Variants in OR2L13 observed in about 807,000 individuals in gnomAD.
OR2L13 encodes olfactory receptor 2L13.
Under a neutral mutation model 15.3 loss-of-function variants are expected in OR2L13, and 14 were observed. The ratio of observed to expected loss-of-function variants is 0.91; its 90% confidence interval spans 0.60 to 1.43. The LOEUF (loss-of-function observed/expected upper bound fraction) is 1.43, where lower values mean the gene tolerates loss of function less well. OR2L13 is among the 40% of genes most tolerant of loss of function. The pLI, the probability that OR2L13 is intolerant of heterozygous loss-of-function variation, is 0.00. For synonymous variants in OR2L13, 152 were observed against 142.9 expected, an observed-to-expected ratio of 1.06 and a Z score of -0.45; for missense variants, 367 against 387.9, an observed-to-expected ratio of 0.95 and a Z score of 0.45.
At chr1:248,051,628 T>G in the OR2L13 span, among the ~76,000 whole-genome samples, 1 of 152,078 alleles carries the variant, frequency 6.6e-6, no homozygotes, top group African/African-American at 2.4e-5. Flanking sequence ...GCTACCTATT[T>G]GTGCTATGTT....
the OR2L13 span, chr1:247,975,260 TC>T: frequency 2.3e-6 from 1 of 436,588 alleles, no homozygotes; most frequent in Non-Finnish European, 4.6e-6. Flanking sequence ...GGCTGTGATG[TC>T]CCAGCCATGG....
At chr1:248,086,232 G>T in the OR2L13 span, among the ~76,000 whole-genome samples, 12,333 of 152,044 alleles carry the variant, frequency 0.081, 636 homozygotes, top group African/African-American at 0.14. Flanking sequence ...TTGACATGAT[G>T]GTGAAAGTCT....
chr1:248,056,527 C>T, the OR2L13 span, among the ~76,000 whole-genome samples: 5 of 152,112 alleles, frequency 3.3e-5, no homozygotes, highest in African/African-American at 1.2e-4. Flanking sequence ...GATTTCTCTG[C>T]ATCCCGGAGA....
chr1:247,949,426 A>G, the OR2L13 span: 2 of 1,612,802 alleles, frequency 1.2e-6, no homozygotes, highest in Admixed American at 3.3e-5. Context: ...GCCTGCATGG[A>G]CACCTGGGTC....
the OR2L13 span, chr1:248,038,994 C>T: frequency 6.2e-7 from 1 of 1,614,086 alleles, no homozygotes; most frequent in Non-Finnish European, 8.5e-7. Context: ...CTGTAGCACC[C>T]ACCTCACTGT....
chr1:248,049,067 G>T, the OR2L13 span, among the ~76,000 whole-genome samples: 1 of 152,164 alleles, frequency 6.6e-6, no homozygotes, highest in South Asian at 2.1e-4. Context: ...AAAATATAGG[G>T]AGTAAAATCT....
the OR2L13 span, chr1:248,062,211 G>C: frequency 6.6e-6 from 1 of 152,176 alleles, no homozygotes; most frequent in Non-Finnish European, 1.5e-5. Flanking sequence ...GTTCTTTATA[G>C]GGGAATGAAT....
the OR2L13 span, chr1:248,038,885 T>G: frequency 1.2e-6 from 2 of 1,614,198 alleles, no homozygotes; most frequent in Non-Finnish European, 1.7e-6. Flanking sequence ...CCATCTTTCT[T>G]GTGCTTCCTT....
upstream of OR2L13, among the ~76,000 whole-genome samples, chr1:248,093,062 A>G (rs915514949): frequency 3.3e-5 from 5 of 152,186 alleles, no homozygotes; most frequent in Admixed American, 6.5e-5. Flanking sequence ...TGTCACAGGA[A>G]ACAAGGCTGA....
chr1:248,048,007 C>T, the OR2L13 span, among the ~76,000 whole-genome samples: 5 of 152,250 alleles, frequency 3.3e-5, no homozygotes, highest in East Asian at 1.9e-4. Context: ...AGGTAGAATT[C>T]GATTTATTTT....
At chr1:247,988,226 A>T in the OR2L13 span, among the ~76,000 whole-genome samples, 24 of 151,516 alleles carry the variant, frequency 1.6e-4, no homozygotes, top group East Asian at 1.4e-3. Context: ...TGTTATATTA[A>T]TTTTCTAATA....
the OR2L13 span, chr1:247,990,505 T>C: frequency 6.7e-5 from 105 of 1,574,420 alleles, no homozygotes; most frequent in African/African-American, 1.3e-3. Flanking sequence ...GTTCCTAAGA[T>C]GGTTTATGAT....
chr1:247,966,353 A>G, the OR2L13 span: 1 of 1,592,610 alleles, frequency 6.3e-7, no homozygotes, highest in Admixed American at 1.8e-5. Context: ...AGCATTAACA[A>G]CATAAAAAGC....
chr1:247,981,965 G>A, the OR2L13 span, among the ~76,000 whole-genome samples: 8 of 151,816 alleles, frequency 5.3e-5, no homozygotes, highest in African/African-American at 1.5e-4. Context: ...GCAGGCTCCC[G>A]CCACCACGCC....
chr1:248,071,611 T>C, the OR2L13 span, among the ~76,000 whole-genome samples: 1 of 152,064 alleles, frequency 6.6e-6, no homozygotes, highest in Admixed American at 6.5e-5. Context: ...AACATAGTGT[T>C]GGAAGTTCTG....
the OR2L13 span, among the ~76,000 whole-genome samples, chr1:248,082,976 C>T: frequency 1.3e-5 from 2 of 152,028 alleles, no homozygotes; most frequent in African/African-American, 4.8e-5. Context: ...TACAGTGAGA[C>T]TCTGGGAAAA....
At chr1:248,042,148 A>C in the OR2L13 span, 6 of 152,260 alleles carry the variant, frequency 3.9e-5, no homozygotes, top group South Asian at 1.2e-3. Flanking sequence ...AATGTGGCAC[A>C]TATACACCAT....
chr1:247,970,151 A>T, the OR2L13 span, among the ~76,000 whole-genome samples: 6 of 152,130 alleles, frequency 3.9e-5, no homozygotes, highest in Non-Finnish European at 8.8e-5. Flanking sequence ...ATTTCCTCAA[A>T]ATTAATAGCA....
the OR2L13 span, among the ~76,000 whole-genome samples, chr1:247,968,206 A>G: frequency 2.0e-5 from 3 of 152,198 alleles, no homozygotes; most frequent in Admixed American, 6.5e-5. Flanking sequence ...CTCCACTTTT[A>G]TAGATAATTA....
Sources: gnomAD v4.1 joint callset for allele counts (sites outside exome capture counted in the v4.1 genomes callset) on GRCh38, gnomAD v4.1.1 for gene constraint, MANE v1.5 for transcripts, NCBI Gene and HGNC (gene_info 2026-07-23, HGNC 2026-07-21) for gene names.